The following ABR variants were observed in gnomAD, a reference collection of about 807,000 sequenced individuals.
ABR encodes ABR activator of RhoGEF and GTPase.
A neutral mutation model predicts 107.2 loss-of-function variants in ABR; 35 were observed. The observed-to-expected ratio is 0.33, with a 90% confidence interval of 0.25 to 0.43. The LOEUF (loss-of-function observed/expected upper bound fraction) is 0.43, where lower values mean the gene tolerates loss of function less well. Ranked by LOEUF, ABR falls within the 20% of genes least tolerant of loss-of-function variation. The probability of loss-of-function intolerance (pLI) is 1.00; values close to 1 mark genes in which losing one functional copy is unlikely to be tolerated. For synonymous variants in ABR, 498 were observed against 462.0 expected (o/e 1.08, Z -1.00); for missense variants, 815 against 1,115.2 (o/e 0.73, Z 3.83).
chr17:1,051,960 G>A lies in ABR; in HGVS notation c.1562-1326C>T, dbSNP rs2032588386. ...GTGGTGGCACATGCCTGTAGTCCCA[G>A]CTACTCGGGAGGCTGAGGCAGGACA... On this transcript the variant is annotated intron_variant, in intron 14 of 22. Transcript: ENST00000302538. The surrounding 1 kb of genome is among the most constrained non-coding windows in gnomAD (Gnocchi z 4.3). Among the ~76,000 whole-genome samples, 1 of 152,136 alleles carries A rather than the reference G, an allele frequency of 6.6e-6. No homozygotes were observed. Among genetic ancestry groups the A allele is most frequent in the African/African-American group, 2.4e-5 (1 of 41,418 alleles).
At chr17:1,007,580 C>A (rs2070155138) in intron 21 of ABR, among the ~76,000 whole-genome samples, 2 of 152,232 alleles carry the variant, frequency 1.3e-5, no homozygotes, top group South Asian at 4.1e-4. Flanking sequence ...AGGGAGCCCA[C>A]AGATGCCAAC....
Position 1,214,867 on chromosome 17 carries a change from G to A in ABR, c.838+13926C>T, listed in dbSNP as rs1191522207. On this transcript the variant is annotated intron_variant, in intron 1 of 22. Transcript: ENST00000574139. The stretch of plus-strand genomic sequence containing the variant: ...CCTGTAATGTGGCAGCTATCTCGGT[G>A]TATATAAGCTCAATGGCCAAGTTCT... 3.3e-5 allele frequency among the ~76,000 whole-genome samples: 5 copies of A among 151,928 alleles called. No homozygotes were observed. The South Asian group carries it at 6.2e-4, about 19-fold the overall frequency.
At chr17:1,099,353 G>A (rs543451301) in intron 3 of ABR, among the ~76,000 whole-genome samples, 145 of 152,294 alleles carry the variant, frequency 9.5e-4, no homozygotes, top group African/African-American at 3.3e-3. Context: ...GGGATTACAG[G>A]CACTGAGCCA....
chr17:1,185,654 T>TAAAAAAAA lies in ABR; in HGVS notation c.-78+1138_-78+1145dup, dbSNP rs775804045. ...AGTGAGACTCCGTCTCAGAAAGAAA[T>TAAAAAAAA]AAAAAAAAAAAAAAAAAAAAAAAAA... On this transcript the variant is annotated intron_variant, in intron 1 of 22. Transcript: ENST00000544583. Among the ~76,000 whole-genome samples the TAAAAAAAA allele has an allele frequency of 3.9e-3, 155 of 39,338 alleles. 4 individuals are homozygous for TAAAAAAAA. The highest frequency in any genetic ancestry group is 0.014 in the African/African-American group (149 of 10,322). The allele number at this position is 39,338 out of a possible 152,430, so 25.8% of individuals were successfully genotyped here.
chr17:1,025,119 C>CAAAAAAAAAAAA (rs71272843), intron 16 of ABR, among the ~76,000 whole-genome samples: 3,777 of 36,728 alleles, frequency 0.1, 88 homozygotes, highest in Non-Finnish European at 0.13. Context: ...GACTCCGTCT[C>CAAAAAAAAAAAA]AAAAAAAAAA....
At chr17:1,186,136 C>T (rs79414648) in intron 1 of ABR, among the ~76,000 whole-genome samples, 5,833 of 152,266 alleles carry the variant, frequency 0.038, 157 homozygotes, top group Non-Finnish European at 0.056. Flanking sequence ...CATGTGCGGC[C>T]AGCATTTACT....
chr17:1,174,412 C>T (rs940447454), intron 1 of ABR, among the ~76,000 whole-genome samples: 7 of 152,098 alleles, frequency 4.6e-5, no homozygotes, highest in African/African-American at 1.4e-4. Context: ...TCTGATCAAA[C>T]GCACACAGGC....
At chr17:1,190,948 G>A (rs1331011063), upstream of ABR, among the ~76,000 whole-genome samples, 21 of 152,308 alleles carry the variant, frequency 1.4e-4, no homozygotes, top group Admixed American at 1.1e-3. Context: ...GGGCCCTCAC[G>A]CTCCCAAGGG....
At chr17:1,177,051 G>A (rs185740260) in intron 1 of ABR, among the ~76,000 whole-genome samples, 91 of 152,002 alleles carry the variant, frequency 6.0e-4, no homozygotes, top group African/African-American at 2.1e-3. Flanking sequence ...CTGTGCCCTG[G>A]GTATACCCCC....
chr17:1,124,846 G>A (rs1200248158), intron 2 of ABR, among the ~76,000 whole-genome samples: 1 of 152,182 alleles, frequency 6.6e-6, no homozygotes, highest in Non-Finnish European at 1.5e-5. Flanking sequence ...GGGTGCAGAG[G>A]GGAGGAGAGC....
intron 20 of ABR, 80 bp from the exon 21 acceptor site, chr17:1,009,864 C>T (rs909668142): frequency 2.3e-5 from 30 of 1,301,584 alleles, no homozygotes; most frequent in Non-Finnish European, 3.1e-5. Context: ...GGCTGTGGGC[C>T]CCTGCGGGAG....
intron 1 of ABR, among the ~76,000 whole-genome samples, chr17:1,158,065 C>T (rs1476654258): frequency 1.3e-5 from 2 of 152,056 alleles, no homozygotes; most frequent in East Asian, 3.9e-4. Flanking sequence ...GTGGAAGGAG[C>T]GTGACCACCC....
chr17:1,223,428 G>A (rs1015919842), intron 1 of ABR, among the ~76,000 whole-genome samples: 5 of 152,088 alleles, frequency 3.3e-5, no homozygotes, highest in Non-Finnish European at 7.4e-5. Flanking sequence ...TGAGAGGGAA[G>A]TACTAATATT....
chr17:1,185,676 AAAAAG>A (rs1475414480), intron 1 of ABR, among the ~76,000 whole-genome samples: 10 of 150,506 alleles, frequency 6.6e-5, no homozygotes, highest in Non-Finnish European at 1.2e-4. Context: ...AAAAAAAAAA[AAAAAG>A]AAGGTATGTG....
chr17:1,034,676 G>A (rs1284047696), intron 16 of ABR, among the ~76,000 whole-genome samples: 1 of 152,122 alleles, frequency 6.6e-6, no homozygotes, highest in Non-Finnish European at 1.5e-5. Context: ...AACGTGCAAT[G>A]GCTGTCATGT....
intron 2 of ABR, among the ~76,000 whole-genome samples, chr17:1,123,014 C>G (rs2039417561): frequency 6.6e-6 from 1 of 152,202 alleles, no homozygotes; most frequent in Admixed American, 6.5e-5. Flanking sequence ...ATAAGCACAG[C>G]CAAGCCGCAG....
chr17:1,018,095 T>G (rs1597383111), intron 16 of ABR, among the ~76,000 whole-genome samples: 3 of 128,932 alleles, frequency 2.3e-5, no homozygotes, highest in Non-Finnish European at 3.4e-5. Flanking sequence ...CAGGCTGGAG[T>G]GCTGTGGCGC....
In ABR at chr17:1,083,630, G is replaced by A; in HGVS notation, c.532-3C>T. 1 of 1,612,944 alleles carries A rather than the reference G, an allele frequency of 6.2e-7. No individual in the cohort carries two copies. The highest frequency in any genetic ancestry group is 8.5e-7 in the Non-Finnish European group (1 of 1,179,048). On this transcript the variant is annotated splice_polypyrimidine_tract_variant and splice_region_variant and intron_variant, in intron 4 of 22. Coordinates refer to ENST00000302538, the MANE Select transcript of ABR (RefSeq NM_021962.5). Reference sequence around the variant, plus strand: ...TTGTACACACCGAGCTGGCTGGCCTGCAGGGAGGAGTCAGGGAACAGAGGG... The same window carrying A: ...TTGTACACACCGAGCTGGCTGGCCTACAGGGAGGAGTCAGGGAACAGAGGG...
intron 16 of ABR, chr17:1,031,663 T>C: frequency 1.6e-6 from 2 of 1,257,090 alleles, no homozygotes; most frequent in Non-Finnish European, 2.0e-6. Context: ...GGGGGGCGCT[T>C]GCTCCCCGAC....
Sources: allele counts gnomAD v4.1 joint callset (sites outside exome capture counted in the v4.1 genomes callset), GRCh38; gene constraint gnomAD v4.1.1; non-coding constraint Gnocchi (gnomAD v3.1); transcripts MANE v1.5; gene names NCBI Gene and HGNC (gene_info 2026-07-23, HGNC 2026-07-21).